FSIP2: variants seen among roughly 807,000 people sequenced by gnomAD.
The protein encoded by FSIP2 is fibrous sheath-interacting protein 2.
FSIP2 carries 367 observed loss-of-function variants against 510.5 expected under a neutral mutation model. That is an observed-to-expected ratio of 0.72 (90% CI 0.66 to 0.78). The LOEUF (loss-of-function observed/expected upper bound fraction) is 0.78, where lower values mean the gene tolerates loss of function less well. Among genes scored for constraint, FSIP2 ranks in the 30% least tolerant of loss-of-function variants. The pLI is 0.00. For missense variants in FSIP2, 7,594 were observed against 7,901.7 expected (o/e 0.96, Z 1.48); for synonymous variants, 2,601 against 2,732.2 (o/e 0.95, Z 1.50).
intron 1 of FSIP2, 135 bp downstream of exon 1, chr2:185,739,128 C>T (rs1243620535): frequency 1.6e-6 from 2 of 1,263,834 alleles, no homozygotes; most frequent in East Asian, 2.6e-5. Flanking sequence ...TTGCGGCGCC[C>T]GGGGGCGGTG....
At chr2:185,750,716 A>G (rs1184184863) in intron 7 of FSIP2, among the ~76,000 whole-genome samples, 1 of 151,008 alleles carries the variant, frequency 6.6e-6, no homozygotes, top group African/African-American at 2.4e-5. Flanking sequence ...TAATACAGAA[A>G]TTTAGTACTC....
In FSIP2 at chr2:185,800,229, T is replaced by A; in HGVS notation, c.10923T>A (p.Ser3641Arg). 6 of 1,532,708 alleles carry A rather than the reference T, an allele frequency of 3.9e-6. No homozygotes were observed. Among genetic ancestry groups the A allele is most frequent in the Non-Finnish European group, 5.2e-6 (6 of 1,145,024 alleles). The allele number at this position is 1,532,708 out of a possible 1,614,324, so 94.9% of individuals were successfully genotyped here. Residue 3641 changes from serine (S) to arginine (R), a missense_variant, in exon 17 of 23, where the codon AGT becomes AGA. Transcript: ENST00000424728. ...NKSFSMHRNNSVPLCNKINRQ... is the reference protein window; with the variant it reads ...NKSFSMHRNNRVPLCNKINRQ... The stretch of plus-strand genomic sequence containing the variant: ...CATTTTCTATGCATAGAAATAATAG[T>A]GTACCCCTTTGCAACAAAATCAATA...
chr2:185,813,561 C>T lies in FSIP2; in HGVS notation c.19844C>T (p.Ser6615Leu), dbSNP rs749127425. The T allele has an allele frequency of 6.5e-7, 1 of 1,527,394 alleles. No homozygotes were observed. The highest frequency in any genetic ancestry group is 8.8e-7 in the Non-Finnish European group (1 of 1,140,530). The allele number at this position is 1,527,394 out of a possible 1,614,324, so 94.6% of individuals were successfully genotyped here. Reference protein sequence around the residue: ...VKPLEAVARNSFQNIRKPDIT... With the variant: ...VKPLEAVARNLFQNIRKPDIT... The stretch of plus-strand genomic sequence containing the variant: ...TAATTTCAGGCCGTTGCTAGAAATT[C>T]ATTTCAGAATATAAGAAAGCCTGAT... The change falls in exon 18 of 23, where the codon TCA (serine) becomes TTA (leucine). Residue 6615 changes from serine to leucine, a missense_variant. Physicochemically the swap from Ser to Leu is moderately radical, Grantham distance 145. Coordinates refer to ENST00000424728, the MANE Select transcript of FSIP2 (RefSeq NM_173651.4).
At chr2:185,772,646 C>T (rs1047594553) in intron 13 of FSIP2, among the ~76,000 whole-genome samples, 4 of 152,178 alleles carry the variant, frequency 2.6e-5, no homozygotes, top group African/African-American at 4.8e-5. Context: ...GATCCAAACA[C>T]TTCCCATCAG....
At position 185,772,859 on chromosome 2, in the gene FSIP2, TTTTG is replaced by T. The variant is rs998414378; in HGVS notation, c.1411+8298_1411+8301del. 6.6e-5 allele frequency among the ~76,000 whole-genome samples: 10 copies of T among 151,998 alleles called. No individual in the cohort carries two copies. The South Asian group carries it at 1.5e-3, about 22-fold the overall frequency. ...TTTCTTCTCCTTTCTTTTCTTTTGT[TTTTG>T]TTTTTTTCTTTTTCTTTTTTCAGAT... On this transcript the variant is annotated intron_variant, in intron 13 of 22. Transcript: ENST00000424728.
intron 9 of FSIP2, among the ~76,000 whole-genome samples, chr2:185,757,980 T>A (rs570814659): frequency 6.6e-6 from 1 of 151,078 alleles, no homozygotes; most frequent in Non-Finnish European, 1.5e-5. Context: ...CCAGATTACC[T>A]CTGGGATTAT....
intron 13 of FSIP2, among the ~76,000 whole-genome samples, chr2:185,771,918 A>G (rs1426133865): frequency 6.6e-6 from 1 of 152,216 alleles, no homozygotes; most frequent in African/African-American, 2.4e-5. Flanking sequence ...ATAGGTTGTT[A>G]GAAGCAGCCA....
chr2:185,797,954 G>A (rs1158338127), intron 16 of FSIP2, among the ~76,000 whole-genome samples: 3 of 151,856 alleles, frequency 2.0e-5, no homozygotes, highest in Admixed American at 6.6e-5. Flanking sequence ...GCCCCTCAAA[G>A]TGTTGGGATT....
chr2:185,801,364 A>G lies in FSIP2; in HGVS notation c.12058A>G (p.Asn4020Asp), dbSNP rs999768678. The G allele has an allele frequency of 4.6e-5, 71 of 1,534,018 alleles. No homozygotes were observed. Among genetic ancestry groups the G allele is most frequent in the Non-Finnish European group, 5.9e-5 (68 of 1,145,596 alleles). Reference protein sequence around the residue: ...FVNNVVNEFNNAQVTVLRNAE... With the variant: ...FVNNVVNEFNDAQVTVLRNAE... ...CAACAATGTAGTGAATGAATTTAAT[A>G]ATGCTCAAGTCACTGTTCTACGGAA... is the stretch of plus-strand genomic sequence containing the variant. Residue 4020 changes from asparagine (N) to aspartate (D), a missense_variant, in exon 17 of 23, where the codon AAT (asparagine) becomes GAT (aspartate). Asn to Asp is a conservative substitution (Grantham distance 23, BLOSUM62 1). Transcript: ENST00000424728.
At chr2:185,798,404 C>T (rs1288738956) in intron 16 of FSIP2, among the ~76,000 whole-genome samples, 2 of 151,790 alleles carry the variant, frequency 1.3e-5, no homozygotes, top group African/African-American at 4.8e-5. Flanking sequence ...TCTAAGTATA[C>T]TCATGTGTAT....
rs1437349867 is a variant in FSIP2, at chr2:185,802,244, T to C, written c.12938T>C (p.Val4313Ala). Residue 4313 changes from valine to alanine, a missense_variant, in exon 17 of 23, where the codon GTT becomes GCT. Val to Ala is a moderately conservative substitution (Grantham distance 64). Coordinates refer to ENST00000424728, the MANE Select transcript of FSIP2 (RefSeq NM_173651.4). ...IHLDSFVREI[V>A]ARLLSKIFSP... ...CTTGATTCATTTGTAAGGGAGATTG[T>C]TGCCAGACTTTTGTCAAAGATTTTC... 15 of 1,533,694 alleles carry C rather than the reference T, an allele frequency of 9.8e-6. No homozygotes were observed. Among genetic ancestry groups the C allele is most frequent in the Non-Finnish European group, 1.3e-5 (15 of 1,145,338 alleles).
At chr2:185,811,738 G>A (rs1464127133) in intron 17 of FSIP2, among the ~76,000 whole-genome samples, 1 of 152,110 alleles carries the variant, frequency 6.6e-6, no homozygotes, top group African/African-American at 2.4e-5. Context: ...GGGCTCCGCA[G>A]ACTCAGAATA....
Position 185,805,369 on chromosome 2 carries a change from G to A in FSIP2, c.16063G>A (p.Val5355Ile). The change falls in exon 17 of 23, where the codon GTA (valine) becomes ATA (isoleucine). Residue 5355 changes from valine (V) to isoleucine (I), a missense_variant. Coordinates refer to ENST00000424728, the MANE Select transcript of FSIP2 (RefSeq NM_173651.4). ...GACAGTTGATAAAATATCCAATTTT[G>A]TATATGAACAGTTCATAGAAAAATG... ...KETVDKISNF[V>I]YEQFIEKCTS... 1.3e-6 allele frequency: 2 copies of A among 1,598,474 alleles called. No homozygotes were observed. Among genetic ancestry groups the A allele is most frequent in the Non-Finnish European group, 1.7e-6 (2 of 1,174,202 alleles).
At chr2:185,773,145 A>G (rs983412886) in intron 13 of FSIP2, among the ~76,000 whole-genome samples, 2 of 152,124 alleles carry the variant, frequency 1.3e-5, no homozygotes, top group African/African-American at 2.4e-5. Flanking sequence ...TACAAGCATG[A>G]TCCAACACGC....
At chr2:185,832,402 G>C (rs904670783) in intron 22 of FSIP2, among the ~76,000 whole-genome samples, 1 of 151,858 alleles carries the variant, frequency 6.6e-6, no homozygotes, top group Non-Finnish European at 1.5e-5. Context: ...TGGCATGCTA[G>C]ATTGTTCCCA....
In FSIP2 at chr2:185,804,260, T is replaced by C; in HGVS notation, c.14954T>C (p.Val4985Ala). Residue 4985 changes from valine to alanine, a missense_variant, in exon 17 of 23, where the codon GTT becomes GCT. By Grantham distance (64) the Val-to-Ala change is moderately conservative. Coordinates refer to ENST00000424728, the MANE Select transcript of FSIP2 (RefSeq NM_173651.4). ...DRVKLKLTRI[V>A]TTLVNSIVLE... is the part of the protein sequence containing the mutation. ...GTGAAACTGAAACTTACCAGGATTG[T>C]TACAACATTGGTAAATTCAATTGTT... The C allele has an allele frequency of 2.6e-6, 4 of 1,529,420 alleles. No individual in the cohort carries two copies. Among genetic ancestry groups the C allele is most frequent in the Non-Finnish European group, 3.5e-6 (4 of 1,143,588 alleles). The allele number at this position is 1,529,420 out of a possible 1,614,324, so 94.7% of individuals were successfully genotyped here. A position where few individuals can be genotyped will look rare whatever the true frequency, so the allele number is the denominator to read the frequency against.
intron 7 of FSIP2, among the ~76,000 whole-genome samples, chr2:185,751,796 T>C (rs889385018): frequency 6.6e-5 from 10 of 151,360 alleles, no homozygotes; most frequent in African/African-American, 2.4e-4. Flanking sequence ...GCTCTTAAAG[T>C]GTTATTATAC....
intron 19 of FSIP2, among the ~76,000 whole-genome samples, chr2:185,821,837 G>A (rs1317469256): frequency 6.6e-6 from 1 of 151,112 alleles, no homozygotes; most frequent in East Asian, 2.0e-4. Flanking sequence ...GAGGCAGGTG[G>A]ATTTATTGAG....
intron 15 of FSIP2, chr2:185,788,011 G>A (rs1377015550): frequency 4.0e-5 from 6 of 151,148 alleles, no homozygotes; most frequent in Non-Finnish European, 8.9e-5. Flanking sequence ...TGGATACAAA[G>A]CCCGTCAATC....
Sources: gnomAD v4.1 joint callset for allele counts (sites outside exome capture counted in the v4.1 genomes callset) on GRCh38, gnomAD v4.1.1 for gene constraint, MANE v1.5 for transcripts, NCBI Gene and HGNC (gene_info 2026-07-23, HGNC 2026-07-21) for gene names.